NRXN1: variants seen among roughly 807,000 people sequenced by gnomAD.
NRXN1 encodes the protein neurexin-1.
In NRXN1, 39 loss-of-function variants were observed where a neutral mutation model predicts 150.9. The ratio of observed to expected loss-of-function variants is 0.26; its 90% CI spans 0.20 to 0.34. The LOEUF (loss-of-function observed/expected upper bound fraction) is 0.34, where lower values mean the gene tolerates loss of function less well. Among genes scored for constraint, NRXN1 ranks in the 10% least tolerant of loss-of-function variants. The pLI is 1.00. For synonymous variants in NRXN1, 924 were observed against 757.0 expected (o/e 1.22, Z -3.62); for missense variants, 1,815 against 1,949.9 (o/e 0.93, Z 1.30).
intron 18 of NRXN1, among the ~76,000 whole-genome samples, chr2:50,231,349 A>G (rs575688411): frequency 6.6e-6 from 1 of 152,252 alleles, no homozygotes; most frequent in African/African-American, 2.4e-5. Context: ...AGCAAGATAA[A>G]TAATGTATAA....
chr2:50,436,975 C>T (rs2104418888), intron 17 of NRXN1, among the ~76,000 whole-genome samples: 1 of 152,200 alleles, frequency 6.6e-6, no homozygotes, highest in East Asian at 1.9e-4. Flanking sequence ...ACTGTAGCCT[C>T]TTTACTAGGC....
At chr2:50,106,344 C>T (rs1364644099) in intron 18 of NRXN1, among the ~76,000 whole-genome samples, 1 of 151,938 alleles carries the variant, frequency 6.6e-6, no homozygotes, top group East Asian at 1.9e-4. Context: ...AATCATAAAG[C>T]TTATACCAGT....
At chr2:50,543,256 T>C (rs2093427016) in intron 9 of NRXN1, among the ~76,000 whole-genome samples, 1 of 152,148 alleles carries the variant, frequency 6.6e-6, no homozygotes, top group Admixed American at 6.5e-5. Flanking sequence ...TTGCAGTTTC[T>C]GGTAAATTAA....
intron 5 of NRXN1, among the ~76,000 whole-genome samples, chr2:50,825,601 A>G (rs1049913302): frequency 2.6e-5 from 4 of 152,222 alleles, no homozygotes; most frequent in African/African-American, 9.6e-5. Context: ...TCTTCCGTAC[A>G]TCTTCATCTG....
intron 18 of NRXN1, among the ~76,000 whole-genome samples, chr2:50,167,535 T>A (rs973040177): frequency 6.6e-6 from 1 of 152,052 alleles, no homozygotes. Flanking sequence ...AAAATGCCTT[T>A]TCCTAAGGAG....
At chr2:50,464,138 G>A (rs2088556748) in intron 17 of NRXN1, 1 of 151,746 alleles carries the variant, frequency 6.6e-6, no homozygotes, top group Non-Finnish European at 1.5e-5. Flanking sequence ...TGTGTTTTAA[G>A]TGTGATTTGG....
chr2:50,420,543 T>C (rs1184134763), intron 17 of NRXN1, among the ~76,000 whole-genome samples: 1 of 152,054 alleles, frequency 6.6e-6, no homozygotes, highest in African/African-American at 2.4e-5. Flanking sequence ...CACTGGCCAA[T>C]GGAGAAACAA....
At chr2:50,506,100 A>G (rs2092208368) in intron 13 of NRXN1, among the ~76,000 whole-genome samples, 1 of 152,186 alleles carries the variant, frequency 6.6e-6, no homozygotes, top group Non-Finnish European at 1.5e-5. Flanking sequence ...CAGTATATCT[A>G]TCATCTTACC....
chr2:50,707,207 A>T (rs975129356), intron 5 of NRXN1, among the ~76,000 whole-genome samples: 7 of 152,126 alleles, frequency 4.6e-5, no homozygotes, highest in Non-Finnish European at 5.9e-5. Flanking sequence ...AAGCTGTTCC[A>T]CAGTGGAATG....
intron 18 of NRXN1, among the ~76,000 whole-genome samples, chr2:50,232,047 A>G (rs183266970): frequency 6.6e-6 from 1 of 152,242 alleles, no homozygotes; most frequent in Non-Finnish European, 1.5e-5. Flanking sequence ...TGTCCACACA[A>G]ATACTATACA....
intron 5 of NRXN1, among the ~76,000 whole-genome samples, chr2:50,692,812 C>G (rs1458231038): frequency 6.6e-6 from 1 of 152,056 alleles, no homozygotes; most frequent in Non-Finnish European, 1.5e-5. Flanking sequence ...GTTAGTACAA[C>G]AGGAAAGCAC....
Position 49,922,206 on chromosome 2 carries a change from G to T in NRXN1, c.4262C>A (p.Ala1421Glu). The T allele has an allele frequency of 6.2e-7, 1 of 1,614,170 alleles. No individual in the cohort carries two copies. The highest frequency in any genetic ancestry group is 8.5e-7 in the Non-Finnish European group (1 of 1,180,024). ...AGGREPYPGSAEVIRESSSTT... is the reference protein window; with the variant it reads ...AGGREPYPGSEEVIRESSSTT... ...GCTGCTGGACTCCCGGATCACTTCT[G>T]CTGAGCCTGGATACGGCTCTCTGCC... The change falls in exon 23 of 23, where the codon GCA becomes GAA. Residue 1421 changes from alanine to glutamate, a missense_variant. This residue lies in a region of NRXN1 where 265 missense variants were observed against 307.1 expected (regional missense o/e 0.86). Transcript: ENST00000401669.
At chr2:50,952,249 A>T (rs1365949533) in intron 2 of NRXN1, among the ~76,000 whole-genome samples, 4 of 152,012 alleles carry the variant, frequency 2.6e-5, no homozygotes, top group Non-Finnish European at 4.4e-5. Flanking sequence ...TACAGGCGTG[A>T]GCCACGAATA....
In NRXN1 at chr2:50,656,337, T is replaced by C. The variant is rs754828138; in HGVS notation, c.833-32722A>G. ...TTTAAAAGTAACACTTATAATTCTA[T>C]ACTCTAAAGAGTACCTGAGTCTGTA... On this transcript the variant is annotated intron_variant, in intron 5 of 22. Transcript: ENST00000401669. The C allele has an allele frequency of 9.1e-6, 7 of 770,270 alleles. No homozygotes were observed. The Admixed American group carries it at 1.0e-4, about 11-fold the overall frequency. 47.7% of individuals were successfully genotyped at this position (770,270 alleles called of 1,614,324 possible). A position where few individuals can be genotyped will look rare whatever the true frequency, so the allele number is the denominator to read the frequency against.
intron 5 of NRXN1, 74 bp downstream of exon 5, chr2:50,921,794 TA>T (rs1227914778): frequency 1.8e-5 from 12 of 682,122 alleles, no homozygotes; most frequent in Non-Finnish European, 2.5e-5. Flanking sequence ...CCAAAAGGTC[TA>T]AATACATTTA....
chr2:50,421,284 G>A (rs1186314417), intron 17 of NRXN1, among the ~76,000 whole-genome samples: 6 of 150,528 alleles, frequency 4.0e-5, no homozygotes, highest in Admixed American at 3.9e-4. Flanking sequence ...TTTCAAAACT[G>A]TTGTATGCAT....
At chr2:50,992,581 T>G (rs1006596992) in intron 2 of NRXN1, among the ~76,000 whole-genome samples, 2 of 151,980 alleles carry the variant, frequency 1.3e-5, no homozygotes. Flanking sequence ...TGGCAGGACC[T>G]GAAAGAAATC....
chr2:50,443,812 T>C (rs1254458686), intron 17 of NRXN1, among the ~76,000 whole-genome samples: 1 of 152,206 alleles, frequency 6.6e-6, no homozygotes, highest in African/African-American at 2.4e-5. Flanking sequence ...ATGTAAAACC[T>C]TCCAGACTTT....
chr2:50,265,308 T>C (rs1441056048), intron 17 of NRXN1, among the ~76,000 whole-genome samples: 1 of 152,122 alleles, frequency 6.6e-6, no homozygotes, highest in Non-Finnish European at 1.5e-5. Context: ...CAACTTCCTG[T>C]TAATTAATCC....
Sources: gnomAD v4.1 joint callset for allele counts (sites outside exome capture counted in the v4.1 genomes callset) on GRCh38, gnomAD v4.1.1 for gene constraint, gnomAD v4.1.1 regional missense constraint, MANE v1.5 for transcripts, NCBI Gene and HGNC (gene_info 2026-07-23, HGNC 2026-07-21) for gene names.